ADAMTS16: variants seen among roughly 807,000 people sequenced by gnomAD.
ADAMTS16 encodes the protein ADAM metallopeptidase with thrombospondin type 1 motif 16, also known as A disintegrin and metalloproteinase with thrombospondin motifs 16.
A neutral mutation model predicts 145.8 loss-of-function variants in ADAMTS16; 94 were observed. That is an observed-to-expected ratio of 0.64 (90% CI 0.55 to 0.77). The LOEUF is 0.77. Among genes scored for constraint, ADAMTS16 ranks in the 30% least tolerant of loss-of-function variants. The pLI, the probability that ADAMTS16 is intolerant of heterozygous loss-of-function variation, is 0.00. For synonymous variants in ADAMTS16, 659 were observed against 604.3 expected (o/e 1.09, Z -1.33); for missense variants, 1,585 against 1,591.5 (o/e 1.00, Z 0.07).
At chr5:5,293,280 G>A (rs1012840906) in intron 18 of ADAMTS16, among the ~76,000 whole-genome samples, 3 of 152,210 alleles carry the variant, frequency 2.0e-5, no homozygotes, top group South Asian at 2.1e-4. Context: ...TCTTGTGGCT[G>A]TGTGTTCCCA....
intron 17 of ADAMTS16, among the ~76,000 whole-genome samples, chr5:5,260,570 G>A (rs7704641): frequency 0.38 from 57,302 of 152,074 alleles, 12,300 homozygotes; most frequent in Non-Finnish European, 0.49. Context: ...AGGGTCCTAT[G>A]TAACCACTCT....
At chr5:5,275,435 A>G (rs553957086) in intron 18 of ADAMTS16, among the ~76,000 whole-genome samples, 6 of 152,314 alleles carry the variant, frequency 3.9e-5, no homozygotes, top group African/African-American at 1.4e-4. Context: ...TCATATGACA[A>G]CTAGATCAAA....
chr5:5,221,098 C>T lies in ADAMTS16; in HGVS notation c.1606-1691C>T, dbSNP rs568719219. ...TCATATTGCCACCCAGACATCGAGC[C>T]GGTGTGCACAGGCTGTGGTTTTAAG... On this transcript the variant is annotated intron_variant, in intron 10 of 22. Coordinates refer to ENST00000274181, the MANE Select transcript of ADAMTS16 (RefSeq NM_139056.4). Among the ~76,000 whole-genome samples, 34 of 152,162 alleles carry T rather than the reference C, an allele frequency of 2.2e-4. 1 individual carries two copies. In the South Asian group the frequency reaches 6.0e-3, roughly 27 times the overall value.
In ADAMTS16 at chr5:5,186,147, A is replaced by T; in HGVS notation, c.859A>T (p.Asn287Tyr). The change falls in exon 5 of 23, where the codon AAT becomes TAT. Residue 287 changes from asparagine (N) to tyrosine (Y), a missense_variant. By Grantham distance (143) the Asn-to-Tyr change is moderately radical (BLOSUM62 -2). Around this residue, in one of 3 missense-constraint regions of ADAMTS16, gnomAD observed 453 missense variants for 412.1 expected, o/e 1.10. Coordinates refer to ENST00000274181, the MANE Select transcript of ADAMTS16 (RefSeq NM_139056.4). ...HKRSLLRSHR[N>Y]EELNVETLVV... ...GCGCTCTCTTCTGAGGTCCCATAGA[A>T]ATGAAGAACTGAACGTGGAGACCTT... 6.2e-7 allele frequency: 1 copy of T among 1,614,142 alleles called. No homozygotes were observed. Among genetic ancestry groups the T allele is most frequent in the Non-Finnish European group, 8.5e-7 (1 of 1,180,036 alleles).
intron 21 of ADAMTS16, among the ~76,000 whole-genome samples, chr5:5,311,410 T>G (rs2126531267): frequency 6.6e-6 from 1 of 152,296 alleles, no homozygotes; most frequent in South Asian, 2.1e-4. Context: ...CCCTGGAATC[T>G]TTTTTCGGTA....
intron 18 of ADAMTS16, among the ~76,000 whole-genome samples, chr5:5,277,981 TAAAAAAAAG>T (rs1186479780): frequency 2.0e-5 from 3 of 151,582 alleles, no homozygotes; most frequent in Non-Finnish European, 2.9e-5. Context: ...GACTCTGTCT[TAAAAAAAAG>T]AAAAAAAAGA....
intron 11 of ADAMTS16, among the ~76,000 whole-genome samples, chr5:5,230,148 T>C (rs1736882634): frequency 1.3e-5 from 2 of 151,010 alleles, no homozygotes; most frequent in African/African-American, 4.9e-5. Context: ...ACCACAGAGA[T>C]GGAGCTGGCA....
chr5:5,208,165 G>T (rs528887094), intron 9 of ADAMTS16, among the ~76,000 whole-genome samples: 1 of 152,272 alleles, frequency 6.6e-6, no homozygotes, highest in Non-Finnish European at 1.5e-5. Flanking sequence ...TGCTTTTTAT[G>T]CACGGAGTCC....
intron 10 of ADAMTS16, among the ~76,000 whole-genome samples, chr5:5,217,633 C>T (rs1366164): frequency 0.017 from 2,545 of 152,204 alleles, 30 homozygotes; most frequent in Non-Finnish European, 0.024. Context: ...TTGGTTTTAC[C>T]TGGGGTGTTA....
intron 14 of ADAMTS16, among the ~76,000 whole-genome samples, chr5:5,238,536 A>C (rs1737182358): frequency 6.6e-6 from 1 of 152,206 alleles, no homozygotes; most frequent in Non-Finnish European, 1.5e-5. Flanking sequence ...TGTGAAATAC[A>C]TCTGGCCCTA....
chr5:5,232,545 A>C (rs1560959873), intron 12 of ADAMTS16, 29 bp downstream of exon 12: 1 of 1,607,432 alleles, frequency 6.2e-7, no homozygotes, highest in South Asian at 1.1e-5. Flanking sequence ...CCTTCCTCAC[A>C]AACGACTGAT....
At chr5:5,271,478 C>G (rs1244548507) in intron 18 of ADAMTS16, among the ~76,000 whole-genome samples, 3 of 152,384 alleles carry the variant, frequency 2.0e-5, no homozygotes, top group Non-Finnish European at 2.9e-5. Flanking sequence ...ACGGCCCTCC[C>G]GCGGCTGCCC....
chr5:5,168,741 A>C (rs1227008119), intron 3 of ADAMTS16, among the ~76,000 whole-genome samples: 4 of 138,834 alleles, frequency 2.9e-5, no homozygotes, highest in African/African-American at 1.1e-4. Context: ...TAATTATATA[A>C]AATATAATTA....
At chr5:5,240,605 C>T (rs1265667783) in intron 16 of ADAMTS16, among the ~76,000 whole-genome samples, 2 of 152,180 alleles carry the variant, frequency 1.3e-5, no homozygotes, top group Non-Finnish European at 2.9e-5. Flanking sequence ...AAAGTTGCCC[C>T]ATCCACCTAC....
chr5:5,213,280 TC>T (rs1218178066), intron 10 of ADAMTS16, among the ~76,000 whole-genome samples: 1 of 152,218 alleles, frequency 6.6e-6, no homozygotes, highest in Non-Finnish European at 1.5e-5. Context: ...CTAAAGAACT[TC>T]CTTTAGCATT....
In ADAMTS16 at chr5:5,275,923, C is replaced by T. The variant is rs200971321; in HGVS notation, c.2789+13140C>T. ...TCACCCAGGCTGGAGTGCAGTGGTG[C>T]AATCAGCTCACCGCAACCAACATCA... On this transcript the variant is annotated intron_variant, in intron 18 of 22. Coordinates refer to ENST00000274181, the MANE Select transcript of ADAMTS16 (RefSeq NM_139056.4). Among the ~76,000 whole-genome samples, 49 of 151,524 alleles carry T rather than the reference C, an allele frequency of 3.2e-4. No homozygotes were observed. The East Asian group carries it at 8.7e-3, about 27-fold the overall frequency.
intron 3 of ADAMTS16, among the ~76,000 whole-genome samples, chr5:5,153,391 C>T (rs1323996388): frequency 6.7e-6 from 1 of 148,716 alleles, no homozygotes; most frequent in African/African-American, 2.5e-5. Flanking sequence ...TAAACATTAA[C>T]CTAAATTCAT....
chr5:5,218,842 C>T (rs1736510319), intron 10 of ADAMTS16, among the ~76,000 whole-genome samples: 1 of 152,128 alleles, frequency 6.6e-6, no homozygotes, highest in African/African-American at 2.4e-5. Flanking sequence ...TCCAGACATC[C>T]CTCCTCTCTT....
intron 17 of ADAMTS16, among the ~76,000 whole-genome samples, chr5:5,248,178 G>A (rs931851922): frequency 1.3e-5 from 2 of 152,112 alleles, no homozygotes; most frequent in Non-Finnish European, 2.9e-5. Context: ...TATAAAAGGA[G>A]GATAAAGCTT....
Sources: allele counts gnomAD v4.1 joint callset (sites outside exome capture counted in the v4.1 genomes callset), GRCh38; gene constraint gnomAD v4.1.1; regional missense constraint gnomAD v4.1.1; transcripts MANE v1.5; gene names NCBI Gene and HGNC (gene_info 2026-07-23, HGNC 2026-07-21).